The following FLACC1 variants were observed in gnomAD, a reference collection of about 807,000 sequenced individuals.
FLACC1 encodes flagellum associated containing coiled-coil domains 1, also known as flagellum-associated coiled-coil domain-containing protein 1.
FLACC1 carries 66 observed loss-of-function variants against 62.8 expected under a neutral mutation model. The ratio of observed to expected loss-of-function variants is 1.05; its 90% CI spans 0.86 to 1.29. The LOEUF is 1.29. Among genes scored for constraint, FLACC1 ranks in the 50% most tolerant of loss-of-function variants. The pLI is 0.00. For missense variants in FLACC1, 452 were observed against 489.1 expected (o/e 0.92, Z 0.71); for synonymous variants, 156 against 161.0 (o/e 0.97, Z 0.24).
rs1354549066 is a variant in FLACC1, at chr2:201,357,157, G to A, written c.-223C>T. 1 of 152,236 alleles carries A rather than the reference G, an allele frequency of 6.6e-6. No individual in the cohort carries two copies. 9.4% of individuals were successfully genotyped at this position (152,236 alleles called of 1,614,324 possible). A position where few individuals can be genotyped will look rare whatever the true frequency, so the allele number is the denominator to read the frequency against. ...GAAATGCCGAAGGAGAAAATTCACA[G>A]TATATGTACTGCGGGAAGACAGACT... On this transcript the variant is annotated 5_prime_UTR_variant, in exon 1 of 15. Transcript: ENST00000392257.
rs762428562 is a variant in FLACC1 at position 201,289,779 on chromosome 2, G to A, written c.949C>T (p.Gln317Ter). 2 of 1,614,132 alleles carry A rather than the reference G, an allele frequency of 1.2e-6. No individual in the cohort carries two copies. Among genetic ancestry groups the A allele is most frequent in the Admixed American group, 3.3e-5 (2 of 60,026 alleles). Reference sequence around the variant, plus strand: ...AGGGCTTGTGCATGCAATTCTTCCTGCATGACCTGCATAAGAAGAAGCTGT... The same window carrying A: ...AGGGCTTGTGCATGCAATTCTTCCTACATGACCTGCATAAGAAGAAGCTGT... The part of the protein sequence containing the change: ...EELRKTKEVM[Q>*]EELHAQALIL... The change falls in exon 13 of 15, where the codon CAG becomes TAG. Residue 317 changes from glutamine to a stop codon, truncating the protein, a stop_gained. Transcript: ENST00000392257. LOFTEE classifies it high-confidence loss of function.
chr2:201,337,119 G>A (rs6744485), intron 7 of FLACC1, among the ~76,000 whole-genome samples: 4,272 of 152,154 alleles, frequency 0.028, 203 homozygotes, highest in African/African-American at 0.096. Context: ...TTTCTTTTGC[G>A]TGTAGAAGCT....
Position 201,342,401 on chromosome 2 carries a change from C to T in FLACC1, c.493G>A (p.Glu165Lys), listed in dbSNP as rs1950827516. The change falls in exon 7 of 15, where the codon GAG becomes AAG. Residue 165 changes from glutamate (E) to lysine (K), a missense_variant. Physicochemically the swap from Glu to Lys is moderately conservative, Grantham distance 56 (BLOSUM62 1). Around this residue, in one of 3 missense-constraint regions of FLACC1, gnomAD observed 301 missense variants for 318.4 expected, o/e 0.95. Transcript: ENST00000392257. ...TTGTTTTCAAAGTTCTGTTTCATCT[C>T]AGCACAGCGGAGATCCATTTCACTG... ...LSSEMDLRCA[E>K]MKQNFENKNR... 1 of 1,614,258 alleles carries T rather than the reference C, an allele frequency of 6.2e-7. No individual in the cohort carries two copies. Among genetic ancestry groups the T allele is most frequent in the Non-Finnish European group, 8.5e-7 (1 of 1,180,044 alleles).
the FLACC1 span, among the ~76,000 whole-genome samples, chr2:201,363,114 A>T: frequency 6.6e-6 from 1 of 152,084 alleles, no homozygotes; most frequent in African/African-American, 2.4e-5. Flanking sequence ...AGGCATTTGG[A>T]GCACTTGCTT....
At chr2:201,345,840 G>A (rs1039748401) in intron 5 of FLACC1, among the ~76,000 whole-genome samples, 2 of 152,112 alleles carry the variant, frequency 1.3e-5, no homozygotes, top group South Asian at 2.1e-4. Flanking sequence ...TGCATCTCCC[G>A]GGGGCATGAG....
At chr2:201,347,241 G>T (rs534684094) in intron 4 of FLACC1, among the ~76,000 whole-genome samples, 9 of 152,378 alleles carry the variant, frequency 5.9e-5, no homozygotes, top group African/African-American at 2.2e-4. Context: ...TGCTGGCCTG[G>T]ACCAGGGCAA....
At chr2:201,314,848 C>A (rs1411065217) in intron 9 of FLACC1, among the ~76,000 whole-genome samples, 1 of 152,140 alleles carries the variant, frequency 6.6e-6, no homozygotes, top group East Asian at 1.9e-4. Context: ...TCAGCAGAAA[C>A]CTTACAAGCA....
At chr2:201,364,028 T>C in the FLACC1 span, among the ~76,000 whole-genome samples, 8 of 152,294 alleles carry the variant, frequency 5.3e-5, no homozygotes, top group Admixed American at 1.3e-4. Flanking sequence ...ATGCACCCCA[T>C]GAATCAGCTC....
chr2:201,332,523 C>G (rs1393595267), intron 7 of FLACC1, among the ~76,000 whole-genome samples: 2 of 152,206 alleles, frequency 1.3e-5, no homozygotes, highest in Non-Finnish European at 1.5e-5. Flanking sequence ...GCTGAGATTA[C>G]AGGCGTGAGC....
At chr2:201,332,485 T>TG (rs1360036471) in intron 7 of FLACC1, among the ~76,000 whole-genome samples, 2 of 152,138 alleles carry the variant, frequency 1.3e-5, no homozygotes, top group Non-Finnish European at 2.9e-5. Context: ...TGACCTCAGG[T>TG]GATCCACCCA....
upstream of FLACC1, among the ~76,000 whole-genome samples, chr2:201,359,957 C>G (rs890392196): frequency 6.0e-5 from 9 of 150,288 alleles, no homozygotes; most frequent in Non-Finnish European, 1.3e-4. Flanking sequence ...AAAAAAGCAG[C>G]AGGATTTGGG....
At chr2:201,362,161 T>C (rs1203489282), upstream of FLACC1, among the ~76,000 whole-genome samples, 1 of 152,130 alleles carries the variant, frequency 6.6e-6, no homozygotes, top group African/African-American at 2.4e-5. Context: ...TTAAACCTCA[T>C]CAGAAGGTTT....
At chr2:201,359,447 T>C (rs1056083205), upstream of FLACC1, among the ~76,000 whole-genome samples, 1 of 152,146 alleles carries the variant, frequency 6.6e-6, no homozygotes. Flanking sequence ...AGATCACATA[T>C]AGAGAGAGTA....
intron 12 of FLACC1, among the ~76,000 whole-genome samples, chr2:201,292,103 C>T (rs1164978093): frequency 6.6e-6 from 1 of 152,200 alleles, no homozygotes; most frequent in African/African-American, 2.4e-5. Flanking sequence ...AAACACTCTG[C>T]AGGATATTAT....
chr2:201,338,765 G>A (rs1411302878), intron 7 of FLACC1, among the ~76,000 whole-genome samples: 9 of 152,000 alleles, frequency 5.9e-5, no homozygotes, highest in Non-Finnish European at 1.5e-5. Flanking sequence ...AGTCCCACTC[G>A]GTCATGGTGT....
the FLACC1 span, among the ~76,000 whole-genome samples, chr2:201,362,720 C>T: frequency 6.6e-6 from 1 of 152,222 alleles, no homozygotes; most frequent in Non-Finnish European, 1.5e-5. Flanking sequence ...AAGCTGCAAA[C>T]ATTTTCCCAG....
At chr2:201,343,698 G>A (rs901494725) in intron 6 of FLACC1, among the ~76,000 whole-genome samples, 3 of 152,246 alleles carry the variant, frequency 2.0e-5, no homozygotes, top group Non-Finnish European at 4.4e-5. Flanking sequence ...AGCTAAAAAG[G>A]TGTCACTGAA....
chr2:201,291,810 C>A (rs1949741783), intron 12 of FLACC1, among the ~76,000 whole-genome samples: 1 of 152,094 alleles, frequency 6.6e-6, no homozygotes, highest in Admixed American at 6.5e-5. Flanking sequence ...ACTAGAATAA[C>A]CAATGCAGAG....
intron 7 of FLACC1, among the ~76,000 whole-genome samples, chr2:201,335,360 T>C (rs147051726): frequency 8.5e-5 from 13 of 152,272 alleles, no homozygotes; most frequent in Middle Eastern, 3.4e-3. Context: ...TTTTGTGAGG[T>C]GTAATATTAG....
Sources: allele counts gnomAD v4.1 joint callset (sites outside exome capture counted in the v4.1 genomes callset), GRCh38; gene constraint gnomAD v4.1.1; regional missense constraint gnomAD v4.1.1; transcripts MANE v1.5; gene names NCBI Gene and HGNC (gene_info 2026-07-23, HGNC 2026-07-21).